DPEP1: variants seen among roughly 807,000 people sequenced by gnomAD.
The protein encoded by DPEP1 is dipeptidase 1, also known as beta-lactamase.
DPEP1 carries 50 observed loss-of-function variants against 42.3 expected under a neutral mutation model. That is an observed-to-expected ratio of 1.18 (90% CI 0.94 to 1.50). The LOEUF is 1.50. Ranked by LOEUF, DPEP1 falls within the 40% of genes most tolerant of loss-of-function variation. The pLI is 0.00. For synonymous variants in DPEP1, 297 were observed against 234.0 expected (o/e 1.27, Z -2.46); for missense variants, 663 against 553.0 (o/e 1.20, Z -1.99).
At chr16:89,626,648 C>T (rs1045362029) in intron 1 of DPEP1, among the ~76,000 whole-genome samples, 2 of 152,122 alleles carry the variant, frequency 1.3e-5, no homozygotes, top group African/African-American at 4.8e-5. Flanking sequence ...GCCACCGCAC[C>T]CAGCCTAAGA....
rs763339687 is a variant in DPEP1, at chr16:89,637,660, A to G, written c.882A>G (p.Ala294=). Reference sequence around the variant, plus strand: ...ATCTGGATCACATCAAGGAGGTGGCAGGAGCCAGAGCCGTGGGTTTTGGTG... The same window carrying G: ...ATCTGGATCACATCAAGGAGGTGGCGGGAGCCAGAGCCGTGGGTTTTGGTG... ...ADHLDHIKEV[A]GARAVGFGGD... Residue 294 remains alanine (A), a synonymous_variant, in exon 9 of 11, where the codon GCA becomes GCG. Coordinates refer to ENST00000690203, the MANE Select transcript of DPEP1 (RefSeq NM_001389466.1). The G allele has an allele frequency of 9.9e-6, 16 of 1,613,054 alleles. No individual in the cohort carries two copies. The East Asian group carries it at 3.1e-4, about 31-fold the overall frequency.
In DPEP1 at chr16:89,636,043, A is replaced by G; in HGVS notation, c.237+3A>G. ...GGGCCGGCTTTGTGGGAGGCCAGGT[A>G]CCGCCTGCCCTGCCTTGTGCTTGCC... is the stretch of plus-strand genomic sequence containing the variant. On this transcript the variant is annotated splice_donor_region_variant and intron_variant, in intron 3 of 10. Coordinates refer to ENST00000690203, the MANE Select transcript of DPEP1 (RefSeq NM_001389466.1). 6.2e-7 allele frequency: 1 copy of G among 1,605,404 alleles called. No homozygotes were observed. Among genetic ancestry groups the G allele is most frequent in the Non-Finnish European group, 8.5e-7 (1 of 1,176,212 alleles).
chr16:89,636,430 G>A (rs371949406), intron 4 of DPEP1, 34 bp downstream of exon 4: 58 of 1,601,582 alleles, frequency 3.6e-5, no homozygotes, highest in African/African-American at 2.1e-4. Flanking sequence ...CAGGTCCTGC[G>A]TCTTCTCACC....
In DPEP1 at chr16:89,633,674, C is replaced by T. The variant is rs1808800; in HGVS notation, c.105-2234C>T. 2.7e-3 allele frequency among the ~76,000 whole-genome samples: 349 copies of T among 130,440 alleles called. No individual in the cohort carries two copies. The East Asian group carries it at 0.028, about 11-fold the overall frequency. 85.6% of individuals were successfully genotyped at this position (130,440 alleles called of 152,430 possible). A position where few individuals can be genotyped will look rare whatever the true frequency, so the allele number is the denominator to read the frequency against. On this transcript the variant is annotated intron_variant, in intron 2 of 10. Coordinates refer to ENST00000690203, the MANE Select transcript of DPEP1 (RefSeq NM_001389466.1). ...AAACTGAGACACAGAGGGAGCTGTC[C>T]TCAAGGAGAGCACCAAAACACCCTC...
At chr16:89,626,556 G>C (rs1426246806) in intron 1 of DPEP1, 1 of 152,072 alleles carries the variant, frequency 6.6e-6, no homozygotes, top group Non-Finnish European at 1.5e-5. Flanking sequence ...CTCCATGTTG[G>C]TCAGGCTGGT....
intron 9 of DPEP1, 51 bp downstream of exon 9, chr16:89,637,758 T>A: frequency 6.2e-7 from 1 of 1,612,618 alleles, no homozygotes; most frequent in Non-Finnish European, 8.5e-7. Context: ...GTTCATGGCC[T>A]CGTCAGAGGG....
At chr16:89,617,613 C>G (rs376754461) in intron 1 of DPEP1, among the ~76,000 whole-genome samples, 96 of 97,628 alleles carry the variant, frequency 9.8e-4, no homozygotes, top group African/African-American at 3.4e-3. Context: ...TTTGGGAGGC[C>G]GGGCGCGGCG....
intron 1 of DPEP1, chr16:89,620,660 G>A (rs1044625195): frequency 1.3e-5 from 2 of 152,314 alleles, no homozygotes; most frequent in African/African-American, 4.8e-5. Context: ...TGGCAGGACT[G>A]AACTTGAACA....
In DPEP1 at chr16:89,638,360, G is replaced by C; in HGVS notation, c.*138G>C. On this transcript the variant is annotated 3_prime_UTR_variant, in exon 11 of 11. Coordinates refer to ENST00000690203, the MANE Select transcript of DPEP1 (RefSeq NM_001389466.1). ...CCTGAGAGGACGCCTGGGCTTACCT[G>C]GGGGGCAGGATGCCTGGGGACAGTT... The C allele has an allele frequency of 7.0e-7, 1 of 1,423,844 alleles. No homozygotes were observed. The highest frequency in any genetic ancestry group is 9.1e-7 in the Non-Finnish European group (1 of 1,093,846). The allele number at this position is 1,423,844 out of a possible 1,614,324, so 88.2% of individuals were successfully genotyped here.
At chr16:89,615,296 C>A (rs1041491478) in intron 1 of DPEP1, among the ~76,000 whole-genome samples, 3 of 152,134 alleles carry the variant, frequency 2.0e-5, no homozygotes, top group African/African-American at 7.2e-5. Flanking sequence ...TGAGGGGTGG[C>A]CTCACAGGTC....
At chr16:89,615,009 G>A (rs942020002) in intron 1 of DPEP1, among the ~76,000 whole-genome samples, 1 of 152,150 alleles carries the variant, frequency 6.6e-6, no homozygotes, top group African/African-American at 2.4e-5. Context: ...ACATCTCTTG[G>A]CGAATTCTTG....
At chr16:89,635,421 G>A (rs991890753) in intron 2 of DPEP1, among the ~76,000 whole-genome samples, 7 of 152,230 alleles carry the variant, frequency 4.6e-5, no homozygotes, top group Admixed American at 3.9e-4. Context: ...CTCCCCAGGA[G>A]GATGGGGGTC....
chr16:89,624,724 G>A (rs546859397), intron 1 of DPEP1, among the ~76,000 whole-genome samples: 6 of 152,060 alleles, frequency 3.9e-5, no homozygotes, highest in African/African-American at 9.6e-5. Flanking sequence ...TAGTTGAGAC[G>A]GGGTTTTTCT....
Position 89,638,313 on chromosome 16 carries a change from C to T in DPEP1, c.*91C>T, listed in dbSNP as rs2151505434. On this transcript the variant is annotated 3_prime_UTR_variant, in exon 11 of 11. Coordinates refer to ENST00000690203, the MANE Select transcript of DPEP1 (RefSeq NM_001389466.1). ...CTCCAGATGCCAGGAGCCCTGCTGC[C>T]CACATGCAAGGACCAGCATCTCCTG... The T allele has an allele frequency of 2.8e-6, 4 of 1,448,752 alleles. No individual in the cohort carries two copies. The highest frequency in any genetic ancestry group is 2.6e-4 in the Middle Eastern group (1 of 3,898). The allele number at this position is 1,448,752 out of a possible 1,614,324, so 89.7% of individuals were successfully genotyped here.
intron 1 of DPEP1, among the ~76,000 whole-genome samples, chr16:89,614,948 A>G (rs1407775383): frequency 1.3e-5 from 2 of 152,198 alleles, no homozygotes. Flanking sequence ...ACTTCGGCCA[A>G]TGGCTCTTAC....
intron 1 of DPEP1, among the ~76,000 whole-genome samples, chr16:89,615,014 T>A (rs1037830348): frequency 1.3e-5 from 2 of 152,162 alleles, no homozygotes; most frequent in Non-Finnish European, 2.9e-5. Flanking sequence ...TCTTGGCGAA[T>A]TCTTGCTGAT....
Position 89,638,206 on chromosome 16 carries a change from G to A in DPEP1, c.1220G>A (p.Cys407Tyr), listed in dbSNP as rs748039332. Reference sequence around the variant, plus strand: ...GCCTCCCTCGCTCCCCTGGTCCTCTGTCTGTCTCTCCTGTGAAACCTGGGA... The same window carrying A: ...GCCTCCCTCGCTCCCCTGGTCCTCTATCTGTCTCTCCTGTGAAACCTGGGA... ...LLASLAPLVL[C>Y]LSLL The change falls in exon 11 of 11, where the codon TGT becomes TAT. Residue 407 changes from cysteine (C) to tyrosine (Y), a missense_variant. Coordinates refer to ENST00000690203, the MANE Select transcript of DPEP1 (RefSeq NM_001389466.1). 4 of 1,575,234 alleles carry A rather than the reference G, an allele frequency of 2.5e-6. No homozygotes were observed. The highest frequency in any genetic ancestry group is 2.2e-5 in the East Asian group (1 of 44,458).
chr16:89,616,895 A>G, intron 1 of DPEP1: 1 of 238,172 alleles, frequency 4.2e-6, no homozygotes, highest in Non-Finnish European at 8.5e-6. Flanking sequence ...GGAAGCAGGC[A>G]GAGAGCGGCC....
intron 1 of DPEP1, among the ~76,000 whole-genome samples, chr16:89,625,335 G>C (rs1197537121): frequency 1.3e-5 from 2 of 152,126 alleles, no homozygotes; most frequent in East Asian, 1.9e-4. Flanking sequence ...AGAGAGTGAG[G>C]GGGGAGGTAC....
Sources: gnomAD v4.1 joint callset for allele counts (sites outside exome capture counted in the v4.1 genomes callset) on GRCh38, gnomAD v4.1.1 for gene constraint, MANE v1.5 for transcripts, NCBI Gene and HGNC (gene_info 2026-07-23, HGNC 2026-07-21) for gene names.